TRIP10: variants seen among roughly 807,000 people sequenced by gnomAD.
TRIP10 encodes the protein cdc42-interacting protein 4.
In TRIP10, 54 loss-of-function variants were observed where a neutral mutation model predicts 80.9. The ratio of observed to expected loss-of-function variants is 0.67; its 90% CI spans 0.54 to 0.84. TRIP10 has a LOEUF of 0.84. TRIP10 is among the 40% of genes least tolerant of loss of function. TRIP10 has a pLI of 0.00. For synonymous variants in TRIP10, 321 were observed against 307.2 expected (o/e 1.04, Z -0.47); for missense variants, 773 against 815.3 (o/e 0.95, Z 0.63).
intron 1 of TRIP10, chr19:6,740,622 A>T (rs1599556166): frequency 5.2e-6 from 1 of 191,150 alleles, no homozygotes; most frequent in Non-Finnish European, 1.1e-5. Context: ...AGGGGCCCCC[A>T]GTCTGCCAGG....
In TRIP10 at chr19:6,743,821, G is replaced by T. The variant is rs1850896705; in HGVS notation, c.627G>T (p.Met209Ile). The T allele has an allele frequency of 6.2e-7, 1 of 1,613,672 alleles. No individual in the cohort carries two copies. The highest frequency in any genetic ancestry group is 8.5e-7 in the Non-Finnish European group (1 of 1,179,946). ...AAGCCCACTTCTATTTTTCACAGATGCCCCAGATATTCGATGTGAGTGCTC... is the reference window on the plus strand; with the variant it reads ...AAGCCCACTTCTATTTTTCACAGATTCCCCAGATATTCGATGTGAGTGCTC... ...RDQAHFYFSQ[M>I]PQIFDKLQDM... Residue 209 changes from methionine (M) to isoleucine (I), a missense_variant, in exon 7 of 15, where the codon ATG (methionine) becomes ATT (isoleucine). Physicochemically the swap from Met to Ile is conservative, Grantham distance 10. Coordinates refer to ENST00000313244, the MANE Select transcript of TRIP10 (RefSeq NM_001288962.2).
intron 5 of TRIP10, 44 bp downstream of exon 5, chr19:6,743,300 G>A (rs1005972386): frequency 1.9e-6 from 3 of 1,608,730 alleles, no homozygotes; most frequent in African/African-American, 1.3e-5. Context: ...GGAGGCATGG[G>A]GGCAGGGTTG....
At position 6,745,146 on chromosome 19, in the gene TRIP10, C is replaced by CA. The variant is rs1555692908; in HGVS notation, c.984+152_984+153insA. The stretch of plus-strand genomic sequence containing the variant: ...CAGCCCGGACTGGAGGGAAGGAAGG[C>CA]GGCCGATTGGCCTGGGAGTCCCCCG... On this transcript the variant is annotated intron_variant, in intron 9 of 14. Transcript: ENST00000313244. The surrounding 1 kb of genome is among the most constrained non-coding windows in gnomAD (Gnocchi z 7.2). 11 of 1,122,294 alleles carry CA rather than the reference C, an allele frequency of 9.8e-6. No individual in the cohort carries two copies. The highest frequency in any genetic ancestry group is 3.3e-5 in the South Asian group (2 of 60,114). The allele number at this position is 1,122,294 out of a possible 1,614,324, so 69.5% of individuals were successfully genotyped here.
In TRIP10 at chr19:6,744,222, T is replaced by TTC. The variant is rs1420475875; in HGVS notation, c.643-331_643-330dup. On this transcript the variant is annotated intron_variant, in intron 7 of 14. Transcript: ENST00000313244. This position sits in a 1 kb window ranked among gnomAD's most constrained non-coding sequence, Gnocchi z 4.9. ...AGGTCTCGAATTTCCCCTCTCCTGT[T>TTC]TCAATCTAGCGCTCCACTCTCTGTC... Among the ~76,000 whole-genome samples the TTC allele has an allele frequency of 6.6e-6, 1 of 152,192 alleles. No individual in the cohort carries two copies. The highest frequency in any genetic ancestry group is 2.4e-5 in the African/African-American group (1 of 41,452).
intron 11 of TRIP10, among the ~76,000 whole-genome samples, chr19:6,747,010 C>T (rs1969156225): frequency 6.6e-6 from 1 of 152,204 alleles, no homozygotes; most frequent in East Asian, 1.9e-4. Context: ...GACGGTTTTA[C>T]AGGTGATTCC....
chr19:6,742,253 T>C (rs1968937005), intron 3 of TRIP10, among the ~76,000 whole-genome samples: 1 of 151,400 alleles, frequency 6.6e-6, no homozygotes, highest in African/African-American at 2.4e-5. Flanking sequence ...AGCCAGGCGT[T>C]GTGGTGCGCG....
rs759200847 is a variant in TRIP10 at position 6,744,663 on chromosome 19, G to A, written c.752G>A (p.Gly251Asp). ...VVPIIAKCLEGMKVAANAVDP... is the reference protein window; with the variant it reads ...VVPIIAKCLEDMKVAANAVDP... ...CCCATAATAGCCAAGTGCTTGGAGG[G>A]CATGAAGGTGGCTGCAAATGCTGTG... Residue 251 changes from glycine to aspartate, a missense_variant, in exon 8 of 15, where the codon GGC becomes GAC. Gly to Asp is a moderately conservative substitution (Grantham distance 94). Transcript: ENST00000313244. The surrounding 1 kb of genome is among the most constrained non-coding windows in gnomAD (Gnocchi z 4.9). 13 of 1,610,208 alleles carry A rather than the reference G, an allele frequency of 8.1e-6. No individual in the cohort carries two copies. In the South Asian group the frequency reaches 9.9e-5, roughly 12 times the overall value.
At position 6,744,743 on chromosome 19, in the gene TRIP10, AG is replaced by A. The variant is rs1969051262; in HGVS notation, c.789+46del. The A allele has an allele frequency of 6.3e-7, 1 of 1,593,048 alleles. No homozygotes were observed. On this transcript the variant is annotated intron_variant, in intron 8 of 14. Transcript: ENST00000313244. The surrounding 1 kb of genome is among the most constrained non-coding windows in gnomAD (Gnocchi z 4.9). The stretch of plus-strand genomic sequence containing the variant: ...GTCCACTGGGCTACGGGAAGGGCAG[AG>A]GGAGGTACCCATAGGCTAGGCACTC...
rs374151326 is a variant in TRIP10, at chr19:6,745,730, G to A, written c.985-299G>A. 1.9e-4 allele frequency: 190 copies of A among 985,192 alleles called. 1 individual carries two copies. The East Asian group carries it at 0.016, about 85-fold the overall frequency. 61.0% of individuals were successfully genotyped at this position (985,192 alleles called of 1,614,324 possible). ...CCGGACATAACATTCCAGAGACCTAGGAGATACCGGGGGAGTGAGAGTTCT... is the reference window on the plus strand; with the variant it reads ...CCGGACATAACATTCCAGAGACCTAAGAGATACCGGGGGAGTGAGAGTTCT... On this transcript the variant is annotated intron_variant, in intron 9 of 14. Transcript: ENST00000313244. This position sits in a 1 kb window ranked among gnomAD's most constrained non-coding sequence, Gnocchi z 7.2.
At chr19:6,740,902 G>A (rs1968897098) in intron 1 of TRIP10, 108 bp from the exon 2 acceptor site, 4 of 984,250 alleles carry the variant, frequency 4.1e-6, no homozygotes, top group East Asian at 2.5e-5. Flanking sequence ...ACTCCTTCTA[G>A]GAGCGCAGAG....
Position 6,744,868 on chromosome 19 carries a change from C to T in TRIP10, c.858C>T (p.Asp286=). The T allele has an allele frequency of 3.7e-6, 6 of 1,614,252 alleles. No homozygotes were observed. Among genetic ancestry groups the T allele is most frequent in the Non-Finnish European group, 5.1e-6 (6 of 1,180,050 alleles). The change falls in exon 9 of 15, where the codon GAC becomes GAT. Residue 286 remains aspartate (D), a synonymous_variant. Transcript: ENST00000313244. The surrounding 1 kb of genome is among the most constrained non-coding windows in gnomAD (Gnocchi z 4.9). ...FARPGDVEFE[D]FSQPMNRAPS... is the part of the protein sequence containing the mutation. ...GCCCGGGCGACGTGGAATTCGAGGA[C>T]TTCAGCCAGCCCATGAACCGTGCAC...
In TRIP10 at chr19:6,741,138, G is replaced by C; in HGVS notation, c.140+13G>C. ...CCAAACAACTGCGGTGAGACCCTGG[G>C]GTGGACGCTACGGAGGACGCGCCTG... On this transcript the variant is annotated intron_variant, in intron 2 of 14. Coordinates refer to ENST00000313244, the MANE Select transcript of TRIP10 (RefSeq NM_001288962.2). The C allele has an allele frequency of 6.2e-7, 1 of 1,614,150 alleles. No homozygotes were observed. The highest frequency in any genetic ancestry group is 8.5e-7 in the Non-Finnish European group (1 of 1,179,980).
Position 6,744,457 on chromosome 19 carries a change from G to A in TRIP10, c.643-97G>A. 1 of 1,544,678 alleles carries A rather than the reference G, an allele frequency of 6.5e-7. No homozygotes were observed. Among genetic ancestry groups the A allele is most frequent in the South Asian group, 1.2e-5 (1 of 84,940 alleles). ...CCCCTCCAGACTGGCTTGGGGCTGGGGCCAGCGTGGAGCGCGATCATATTT... is the reference window on the plus strand; with the variant it reads ...CCCCTCCAGACTGGCTTGGGGCTGGAGCCAGCGTGGAGCGCGATCATATTT... On this transcript the variant is annotated intron_variant, in intron 7 of 14. Coordinates refer to ENST00000313244, the MANE Select transcript of TRIP10 (RefSeq NM_001288962.2). This position sits in a 1 kb window ranked among gnomAD's most constrained non-coding sequence, Gnocchi z 4.9.
rs1014100179 is a variant in TRIP10, at chr19:6,744,284, C to G, written c.643-270C>G. On this transcript the variant is annotated intron_variant, in intron 7 of 14. Transcript: ENST00000313244. The surrounding 1 kb of genome is among the most constrained non-coding windows in gnomAD (Gnocchi z 4.9). ...CCTGGGAGTATCAGGGCTGGTTCTG[C>G]TTTTTCTTCAAATCCCTGTTCCCTT... is the stretch of plus-strand genomic sequence containing the variant. 6.6e-6 allele frequency among the ~76,000 whole-genome samples: 1 copy of G among 152,200 alleles called. No homozygotes were observed. Among genetic ancestry groups the G allele is most frequent in the African/African-American group, 2.4e-5 (1 of 41,450 alleles).
rs544722674 is a variant in TRIP10 at position 6,740,952 on chromosome 19, G to A, written c.25-58G>A. 3.9e-5 allele frequency: 58 copies of A among 1,502,024 alleles called. No individual in the cohort carries two copies. In the East Asian group the frequency reaches 1.3e-3, roughly 34 times the overall value. The allele number at this position is 1,502,024 out of a possible 1,614,324, so 93.0% of individuals were successfully genotyped here. A position where few individuals can be genotyped will look rare whatever the true frequency, so the allele number is the denominator to read the frequency against. On this transcript the variant is annotated intron_variant, in intron 1 of 14. Coordinates refer to ENST00000313244, the MANE Select transcript of TRIP10 (RefSeq NM_001288962.2). ...GGGAGTCTGGTCGGCGGGCTGTGGG[G>A]TCCCAAAATCGTGACCCCGGCCCCT...
At chr19:6,740,786 T>TGGCTGGGGCCTGGGC (rs1968891436) in intron 1 of TRIP10, 1 of 540,902 alleles carries the variant, frequency 1.8e-6, no homozygotes, top group Admixed American at 3.4e-5. Context: ...CCGGCCGGGG[T>TGGCTGGGGCCTGGGC]GGCTGGGGCC....
chr19:6,739,685 T>C lies in TRIP10; in HGVS notation c.-77T>C, dbSNP rs1239797607. ...CAGGCGCACCGCCCTCGGCTGAGTC[T>C]CCCCGGGGAGGGCGGCGGGCGGCGG... is the stretch of plus-strand genomic sequence containing the variant. On this transcript the variant is annotated 5_prime_UTR_variant, in exon 1 of 15. Transcript: ENST00000313244. 4.9e-6 allele frequency: 5 copies of C among 1,013,514 alleles called. No homozygotes were observed. In the African/African-American group the frequency reaches 8.4e-5, roughly 17 times the overall value. The allele number at this position is 1,013,514 out of a possible 1,614,324, so 62.8% of individuals were successfully genotyped here. A position where few individuals can be genotyped will look rare whatever the true frequency, so the allele number is the denominator to read the frequency against.
intron 14 of TRIP10, among the ~76,000 whole-genome samples, 169 bp downstream of exon 14, chr19:6,750,802 C>T (rs925337439): frequency 2.0e-5 from 3 of 152,132 alleles, no homozygotes; most frequent in Admixed American, 6.5e-5. Flanking sequence ...TCCATACCAG[C>T]CTGGCGAACA....
chr19:6,743,942 T>A, intron 7 of TRIP10, 106 bp downstream of exon 7: 1 of 1,425,244 alleles, frequency 7.0e-7, no homozygotes, highest in Admixed American at 2.1e-5. Context: ...GTCCCTAGAT[T>A]GAAAGGGAAT....
Sources: gnomAD v4.1 joint callset for allele counts (sites outside exome capture counted in the v4.1 genomes callset) on GRCh38, gnomAD v4.1.1 for gene constraint, Gnocchi (gnomAD v3.1) non-coding constraint, MANE v1.5 for transcripts, NCBI Gene and HGNC (gene_info 2026-07-23, HGNC 2026-07-21) for gene names.